TAF1B: variants seen among roughly 807,000 people sequenced by gnomAD.
TAF1B encodes the protein TATA box-binding protein-associated factor RNA polymerase I subunit B.
Under a neutral mutation model 83.9 loss-of-function variants are expected in TAF1B, and 61 were observed. The ratio of observed to expected loss-of-function variants is 0.73; its 90% confidence interval spans 0.59 to 0.90. TAF1B has a LOEUF of 0.90. Among genes scored for constraint, TAF1B ranks in the 40% least tolerant of loss-of-function variants. The probability of loss-of-function intolerance (pLI) is 0.00; values close to 1 mark genes in which losing one functional copy is unlikely to be tolerated. For synonymous variants in TAF1B, 221 were observed against 224.6 expected (o/e 0.98, Z 0.14); for missense variants, 625 against 677.0 (o/e 0.92, Z 0.85).
chr2:9,859,401 T>C (rs1663677254), intron 5 of TAF1B, among the ~76,000 whole-genome samples: 1 of 151,872 alleles, frequency 6.6e-6, no homozygotes, highest in South Asian at 2.1e-4. Flanking sequence ...TTTTTTTTTT[T>C]TTTGAGATAG....
intron 2 of TAF1B, among the ~76,000 whole-genome samples, chr2:9,847,518 TC>T (rs2125133315): frequency 6.6e-6 from 1 of 152,318 alleles, no homozygotes; most frequent in African/African-American, 2.4e-5. Flanking sequence ...GCCCTATTTT[TC>T]TGCCCCTTTT....
intron 6 of TAF1B, among the ~76,000 whole-genome samples, chr2:9,871,888 C>T (rs567889533): frequency 1.3e-5 from 2 of 152,102 alleles, no homozygotes; most frequent in Non-Finnish European, 2.9e-5. Flanking sequence ...TGTAAACTTT[C>T]ACTTAAGCCT....
Position 9,933,788 on chromosome 2 carries a change from G to A in TAF1B, c.1571G>A (p.Cys524Tyr). The A allele has an allele frequency of 6.2e-7, 1 of 1,609,696 alleles. No homozygotes were observed. The highest frequency in any genetic ancestry group is 8.5e-7 in the Non-Finnish European group (1 of 1,178,456). The change falls in exon 15 of 15, where the codon TGT becomes TAT. Residue 524 changes from cysteine (C) to tyrosine (Y), a missense_variant. Coordinates refer to ENST00000263663, the MANE Select transcript of TAF1B (RefSeq NM_005680.3). ...TTTTTCTTTTTCCCTTCTAGCTATTGTACACATGTGACAACCTATGAAGAA... is the reference window on the plus strand; with the variant it reads ...TTTTTCTTTTTCCCTTCTAGCTATTATACACATGTGACAACCTATGAAGAA... Reference protein sequence around the residue: ...LSTQKFCRCYCTHVTTYEESN... With the variant: ...LSTQKFCRCYYTHVTTYEESN...
At position 9,875,902 on chromosome 2, in the gene TAF1B, A is replaced by G. The variant is rs1168795244; in HGVS notation, c.591A>G (p.Glu197=). The G allele has an allele frequency of 6.2e-7, 1 of 1,612,264 alleles. No individual in the cohort carries two copies. Among genetic ancestry groups the G allele is most frequent in the South Asian group, 1.1e-5 (1 of 90,854 alleles). The change falls in exon 7 of 15, where the codon GAA becomes GAG. Residue 197 remains glutamate (E), a synonymous_variant. Transcript: ENST00000263663. ...SVCSGSLDGV[E]YSQRKEKGIV... is the part of the protein sequence containing the mutation. ...GCTCTGGATCTCTGGATGGAGTTGA[A>G]TACTCACAACGAAAGGAGAAGGGAA... is the stretch of plus-strand genomic sequence containing the variant.
rs1212849958 is a variant in TAF1B, at chr2:9,894,096, A to G, written c.808-10763A>G. Among the ~76,000 whole-genome samples the G allele has an allele frequency of 3.3e-5, 5 of 152,152 alleles. No individual in the cohort carries two copies. The East Asian group carries it at 9.6e-4, about 29-fold the overall frequency. ...CATCCTTAACTAAAAGTGTAAATTG[A>G]GCATAAAGACCGTATTTAATGCTTC... On this transcript the variant is annotated intron_variant, in intron 8 of 14. Coordinates refer to ENST00000263663, the MANE Select transcript of TAF1B (RefSeq NM_005680.3).
chr2:9,865,540 T>C (rs562993955), intron 5 of TAF1B, among the ~76,000 whole-genome samples: 17 of 152,220 alleles, frequency 1.1e-4, no homozygotes, highest in Admixed American at 6.5e-4. Context: ...GATTCAATGC[T>C]ATCCCCATCA....
intron 9 of TAF1B, among the ~76,000 whole-genome samples, chr2:9,905,236 G>C (rs1019411379): frequency 6.6e-6 from 1 of 152,144 alleles, no homozygotes; most frequent in African/African-American, 2.4e-5. Context: ...TTTGGTGTGA[G>C]GGATTTATGC....
intron 14 of TAF1B, among the ~76,000 whole-genome samples, chr2:9,920,768 G>C (rs749782922): frequency 5.9e-5 from 9 of 152,146 alleles, no homozygotes; most frequent in Non-Finnish European, 1.3e-4. Flanking sequence ...CATGTTTTAT[G>C]TTCTGTCCTC....
chr2:9,896,340 A>G (rs968642368), intron 8 of TAF1B, among the ~76,000 whole-genome samples: 5 of 152,068 alleles, frequency 3.3e-5, no homozygotes, highest in Non-Finnish European at 5.9e-5. Context: ...TGCATTCACT[A>G]TTCTATAGTA....
intron 14 of TAF1B, 102 bp downstream of exon 14, chr2:9,919,922 C>A: frequency 1.8e-6 from 2 of 1,085,868 alleles, no homozygotes; most frequent in Non-Finnish European, 2.7e-6. Context: ...AGCTTAAAGT[C>A]ACGAAAATCA....
rs535522235 is a variant in TAF1B, at chr2:9,899,898, TA to T, written c.808-4960del. ...TAAAAATTGAGCATTGTACTATGAATATTTTCCTAAATCATAAAACAGCCTA... is the reference window on the plus strand; with the variant it reads ...TAAAAATTGAGCATTGTACTATGAATTTTTCCTAAATCATAAAACAGCCTA... On this transcript the variant is annotated intron_variant, in intron 8 of 14. Coordinates refer to ENST00000263663, the MANE Select transcript of TAF1B (RefSeq NM_005680.3). 1.7e-4 allele frequency among the ~76,000 whole-genome samples: 26 copies of T among 152,368 alleles called. No individual in the cohort carries two copies. In the East Asian group the frequency reaches 4.0e-3, roughly 24 times the overall value.
At chr2:9,852,587 G>A (rs1385270798) in intron 4 of TAF1B, among the ~76,000 whole-genome samples, 1 of 152,092 alleles carries the variant, frequency 6.6e-6, no homozygotes, top group Non-Finnish European at 1.5e-5. Flanking sequence ...CACCTCCCGT[G>A]TTCAAGCAAT....
intron 14 of TAF1B, among the ~76,000 whole-genome samples, chr2:9,932,238 A>T (rs1469994855): frequency 6.6e-6 from 1 of 152,172 alleles, no homozygotes; most frequent in Non-Finnish European, 1.5e-5. Flanking sequence ...CCTTTGGAGG[A>T]GAAGAAGTGC....
intron 8 of TAF1B, among the ~76,000 whole-genome samples, chr2:9,889,876 A>C (rs770318421): frequency 9.9e-5 from 15 of 152,210 alleles, no homozygotes; most frequent in Non-Finnish European, 2.2e-4. Flanking sequence ...AAGTCTCTGC[A>C]CTTTGGCTGT....
In TAF1B at chr2:9,876,017, A is replaced by C; in HGVS notation, c.706A>C (p.Arg236=). The C allele has an allele frequency of 6.2e-7, 1 of 1,605,784 alleles. No homozygotes were observed. The highest frequency in any genetic ancestry group is 8.5e-7 in the Non-Finnish European group (1 of 1,173,530). The stretch of plus-strand genomic sequence containing the variant: ...AGCAATAACACTTTCAGATCTTTTG[A>C]GGTTAGCTAGACCTCTTGTATGATA... ...REAITLSDLL[R]FVEEDHIPYI... The change falls in exon 7 of 15, where the codon AGG becomes CGG. Residue 236 remains arginine, a splice_region_variant and synonymous_variant. Transcript: ENST00000263663.
At chr2:9,896,474 T>A (rs528501786) in intron 8 of TAF1B, among the ~76,000 whole-genome samples, 2 of 152,208 alleles carry the variant, frequency 1.3e-5, no homozygotes, top group Non-Finnish European at 2.9e-5. Context: ...CCACCAGAAA[T>A]GACAAAAGGT....
chr2:9,887,495 A>T (rs566215742), intron 8 of TAF1B, among the ~76,000 whole-genome samples: 42 of 152,096 alleles, frequency 2.8e-4, no homozygotes, highest in Non-Finnish European at 4.3e-4. Context: ...ATCTAATGTC[A>T]CTTTTTTCTC....
intron 8 of TAF1B, among the ~76,000 whole-genome samples, chr2:9,903,244 C>T (rs1281382385): frequency 6.6e-6 from 1 of 152,068 alleles, no homozygotes; most frequent in African/African-American, 2.4e-5. Flanking sequence ...CGCCACCATG[C>T]CCGGTTAATT....
rs752243163 is a variant in TAF1B at position 9,845,261 on chromosome 2, A to G, written c.60A>G (p.Ser20=). The G allele has an allele frequency of 6.2e-7, 1 of 1,613,596 alleles. No individual in the cohort carries two copies. Among genetic ancestry groups the G allele is most frequent in the Non-Finnish European group, 8.5e-7 (1 of 1,179,598 alleles). The change falls in exon 2 of 15, where the codon TCA becomes TCG. Residue 20 remains serine, a synonymous_variant. Transcript: ENST00000263663. The stretch of plus-strand genomic sequence containing the variant: ...GCTGTACTCAGTGTGCTGCTGTCTC[A>G]TGGGGTCTTACTGATGAAGGCAAAT... The part of the protein sequence containing the change: ...KERCTQCAAV[S]WGLTDEGKYY...
Sources: gnomAD v4.1 joint callset for allele counts (sites outside exome capture counted in the v4.1 genomes callset) on GRCh38, gnomAD v4.1.1 for gene constraint, MANE v1.5 for transcripts, NCBI Gene and HGNC (gene_info 2026-07-23, HGNC 2026-07-21) for gene names.